Variants in ARHGAP28 observed in about 807,000 individuals in gnomAD.
The protein encoded by ARHGAP28 is rho GTPase-activating protein 28.
ARHGAP28 carries 56 observed loss-of-function variants against 90.7 expected under a neutral mutation model. The ratio of observed to expected loss-of-function variants is 0.62; its 90% CI spans 0.50 to 0.77. ARHGAP28 has a LOEUF of 0.77. Among genes scored for constraint, ARHGAP28 ranks in the 30% least tolerant of loss-of-function variants. The probability of loss-of-function intolerance (pLI) is 0.00; values close to 1 mark genes in which losing one functional copy is unlikely to be tolerated. For missense variants in ARHGAP28, 869 were observed against 900.9 expected, an observed-to-expected ratio of 0.96 and a Z score of 0.45; for synonymous variants, 308 against 323.3, an observed-to-expected ratio of 0.95 and a Z score of 0.51.
rs191137770 is a variant in ARHGAP28 at position 6,854,064 on chromosome 18, A to G, written c.636+2938A>G. Among the ~76,000 whole-genome samples, 573 of 151,450 alleles carry G rather than the reference A, an allele frequency of 3.8e-3. 1 individual carries two copies. The highest frequency in any genetic ancestry group is 0.011 in the Admixed American group (168 of 15,188). ...AATGGCAACTAAAAAACAGCTCACCACTTAGTTACATGAAAGTTGAACCAG... is the reference window on the plus strand; with the variant it reads ...AATGGCAACTAAAAAACAGCTCACCGCTTAGTTACATGAAAGTTGAACCAG... On this transcript the variant is annotated intron_variant, in intron 4 of 17. Coordinates refer to ENST00000383472, the MANE Select transcript of ARHGAP28 (RefSeq NM_001366230.1).
At chr18:6,820,756 CTG>C (rs1485265083) in intron 1 of ARHGAP28, among the ~76,000 whole-genome samples, 1 of 152,190 alleles carries the variant, frequency 6.6e-6, no homozygotes, top group African/African-American at 2.4e-5. Flanking sequence ...TAAACAAAAA[CTG>C]TCAGCCTAGA....
At chr18:6,890,111 C>T (rs774786933) in intron 13 of ARHGAP28, 26 bp downstream of exon 13, 48 of 1,612,404 alleles carry the variant, frequency 3.0e-5, no homozygotes, top group Non-Finnish European at 3.8e-5. Flanking sequence ...ATGACAGGTC[C>T]CCCTCAGAAG....
chr18:6,873,051 T>A (rs780567964), intron 7 of ARHGAP28, among the ~76,000 whole-genome samples: 1 of 152,208 alleles, frequency 6.6e-6, no homozygotes, highest in Admixed American at 6.5e-5. Context: ...TTTCCTGTTA[T>A]GTGTGTGTCA....
intron 10 of ARHGAP28, among the ~76,000 whole-genome samples, chr18:6,878,739 A>G (rs2057153813): frequency 6.6e-6 from 1 of 152,178 alleles, no homozygotes; most frequent in Non-Finnish European, 1.5e-5. Context: ...TGTAATCCAG[A>G]TGTTTTCATG....
intron 10 of ARHGAP28, among the ~76,000 whole-genome samples, chr18:6,881,053 C>G (rs1166776060): frequency 6.6e-6 from 1 of 152,172 alleles, no homozygotes; most frequent in African/African-American, 2.4e-5. Flanking sequence ...TCCTTTTGAT[C>G]TTATCAGTAG....
chr18:6,770,743 C>T (rs965920910), intron 1 of ARHGAP28, among the ~76,000 whole-genome samples: 5 of 151,992 alleles, frequency 3.3e-5, no homozygotes, highest in Non-Finnish European at 5.9e-5. Flanking sequence ...TGCCTCCAGC[C>T]CTTGGGCAGC....
chr18:6,878,200 A>T (rs1287411724), intron 10 of ARHGAP28, among the ~76,000 whole-genome samples: 1 of 152,100 alleles, frequency 6.6e-6, no homozygotes, highest in Non-Finnish European at 1.5e-5. Context: ...TTGTAGGGAC[A>T]TGGATGAAAT....
chr18:6,820,004 C>T (rs1192643814), intron 1 of ARHGAP28, among the ~76,000 whole-genome samples: 4 of 152,030 alleles, frequency 2.6e-5, no homozygotes, highest in African/African-American at 9.7e-5. Context: ...CAACATCTGC[C>T]ATCTAATAAA....
chr18:6,759,598 C>T (rs2056142198), intron 1 of ARHGAP28, among the ~76,000 whole-genome samples: 1 of 152,144 alleles, frequency 6.6e-6, no homozygotes, highest in Admixed American at 6.5e-5. Flanking sequence ...TATGGAACAT[C>T]AGTATTAAAT....
At chr18:6,846,004 T>G (rs1443676931) in intron 3 of ARHGAP28, among the ~76,000 whole-genome samples, 5 of 152,166 alleles carry the variant, frequency 3.3e-5, no homozygotes, top group African/African-American at 1.2e-4. Context: ...TTTATTTCTA[T>G]GAGATGAATC....
intron 16 of ARHGAP28, among the ~76,000 whole-genome samples, chr18:6,900,433 AAGT>A (rs2057332353): frequency 1.3e-5 from 2 of 152,228 alleles, no homozygotes; most frequent in Admixed American, 1.3e-4. Flanking sequence ...ACAAATGAAA[AAGT>A]AGAAAATATC....
intron 1 of ARHGAP28, among the ~76,000 whole-genome samples, chr18:6,798,646 G>A (rs2056459846): frequency 6.6e-6 from 1 of 152,200 alleles, no homozygotes; most frequent in African/African-American, 2.4e-5. Context: ...CAACAAGGAT[G>A]CAGAGACACC....
At chr18:6,798,623 A>T (rs1477328279) in intron 1 of ARHGAP28, among the ~76,000 whole-genome samples, 6 of 152,216 alleles carry the variant, frequency 3.9e-5, no homozygotes, top group Admixed American at 3.9e-4. Context: ...GTACGTTCTC[A>T]CTGGGAGCTA....
intron 1 of ARHGAP28, among the ~76,000 whole-genome samples, chr18:6,787,076 C>T (rs867833612): frequency 5.3e-5 from 8 of 151,848 alleles, no homozygotes; most frequent in African/African-American, 1.2e-4. Context: ...AAAAATTAGC[C>T]GGGCGTGGTG....
intron 1 of ARHGAP28, among the ~76,000 whole-genome samples, chr18:6,820,766 A>G (rs1313858130): frequency 6.6e-6 from 1 of 152,254 alleles, no homozygotes; most frequent in East Asian, 1.9e-4. Context: ...CTGTCAGCCT[A>G]GAGTTCTATG....
At chr18:6,861,662 A>G (rs369494403) in intron 5 of ARHGAP28, among the ~76,000 whole-genome samples, 16 of 152,298 alleles carry the variant, frequency 1.1e-4, no homozygotes, top group Non-Finnish European at 2.1e-4. Flanking sequence ...GCCAAAGGAG[A>G]GGATGGTAGG....
chr18:6,824,657 A>G (rs1235800042), intron 1 of ARHGAP28, 105 bp from the exon 2 acceptor site: 3 of 1,047,020 alleles, frequency 2.9e-6, no homozygotes, highest in Non-Finnish European at 4.0e-6. Flanking sequence ...CCACTTCTCC[A>G]TTTGATTTAA....
chr18:6,898,632 T>A, intron 16 of ARHGAP28: 1 of 1,549,382 alleles, frequency 6.5e-7, no homozygotes, highest in Non-Finnish European at 8.7e-7. Flanking sequence ...AGTAGACTTT[T>A]AGTTACATAT....
chr18:6,837,142 G>T, intron 2 of ARHGAP28, 55 bp from the exon 3 acceptor site: 2 of 1,287,650 alleles, frequency 1.6e-6, no homozygotes, highest in African/African-American at 3.0e-5. Flanking sequence ...TATTCACATG[G>T]CATCCAATCA....
Sources: gnomAD v4.1 joint callset for allele counts (sites outside exome capture counted in the v4.1 genomes callset) on GRCh38, gnomAD v4.1.1 for gene constraint, MANE v1.5 for transcripts, NCBI Gene and HGNC (gene_info 2026-07-23, HGNC 2026-07-21) for gene names.